Variants in NAALADL2 observed in about 807,000 individuals in gnomAD.
NAALADL2 encodes inactive N-acetylated-alpha-linked acidic dipeptidase-like protein 2.
A neutral mutation model predicts 87.2 loss-of-function variants in NAALADL2; 76 were observed. That is an observed-to-expected ratio of 0.87 (90% CI 0.72 to 1.05). The LOEUF (loss-of-function observed/expected upper bound fraction) is 1.05. NAALADL2 is among the 50% of genes least tolerant of loss of function. The pLI, the probability that NAALADL2 is intolerant of heterozygous loss-of-function variation, is 0.00. For synonymous variants in NAALADL2, 354 were observed against 331.0 expected, an observed-to-expected ratio of 1.07 and a Z score of -0.75; for missense variants, 1,089 against 945.8, an observed-to-expected ratio of 1.15 and a Z score of -1.99.
chr3:175,618,715 T>C (rs1209420414), intron 10 of NAALADL2, among the ~76,000 whole-genome samples: 2 of 152,146 alleles, frequency 1.3e-5, no homozygotes, highest in African/African-American at 4.8e-5. Context: ...TTTTTCCCTA[T>C]ATTACCAGGG....
chr3:175,061,054 C>CA (rs1009296352), intron 1 of NAALADL2, among the ~76,000 whole-genome samples: 25 of 151,176 alleles, frequency 1.7e-4, no homozygotes, highest in East Asian at 1.2e-3. Context: ...CTCAAAAAAA[C>CA]AAAAAAAATC....
intron 7 of NAALADL2, among the ~76,000 whole-genome samples, chr3:175,466,000 T>A (rs985653607): frequency 2.0e-5 from 3 of 152,246 alleles, no homozygotes; most frequent in Non-Finnish European, 4.4e-5. Context: ...GGAGATGTAC[T>A]ATTTGTTTTC....
intron 3 of NAALADL2, among the ~76,000 whole-genome samples, chr3:174,780,434 A>T (rs575884245): frequency 1.3e-5 from 2 of 152,284 alleles, no homozygotes; most frequent in Admixed American, 6.5e-5. Context: ...GCAAACAGAG[A>T]CAATTTGACC....
intron 1 of NAALADL2, among the ~76,000 whole-genome samples, chr3:175,022,030 G>A (rs1401681584): frequency 6.6e-6 from 1 of 152,044 alleles, no homozygotes; most frequent in African/African-American, 2.4e-5. Context: ...GGTGAGATCT[G>A]GTTGTTAAAT....
chr3:175,301,421 T>TAATA (rs147746958), intron 4 of NAALADL2, among the ~76,000 whole-genome samples: 2,077 of 152,240 alleles, frequency 0.014, 50 homozygotes, highest in African/African-American at 0.047. Flanking sequence ...ACTTAAAGTA[T>TAATA]AATAAATAAA....
intron 5 of NAALADL2, among the ~76,000 whole-genome samples, chr3:175,355,218 A>G (rs779551147): frequency 5.7e-4 from 86 of 151,566 alleles, no homozygotes; most frequent in Admixed American, 5.7e-3. Flanking sequence ...ACAGGTGTGC[A>G]TCACCACACT....
At chr3:175,155,522 G>A (rs890726379) in intron 2 of NAALADL2, among the ~76,000 whole-genome samples, 9 of 152,100 alleles carry the variant, frequency 5.9e-5, no homozygotes, top group African/African-American at 1.9e-4. Context: ...CAATCTTTAT[G>A]TTGGGAATTA....
At chr3:175,281,768 T>A (rs953877729) in intron 4 of NAALADL2, among the ~76,000 whole-genome samples, 20 of 152,116 alleles carry the variant, frequency 1.3e-4, no homozygotes, top group African/African-American at 4.8e-4. Flanking sequence ...TTATGAATAT[T>A]TCAATTTTGT....
At chr3:174,890,662 A>C (rs1327589430) in intron 1 of NAALADL2, among the ~76,000 whole-genome samples, 1 of 152,194 alleles carries the variant, frequency 6.6e-6, no homozygotes, top group Non-Finnish European at 1.5e-5. Context: ...TTAGCTAAGA[A>C]AAGTCCAAAA....
At chr3:175,702,902 G>C (rs2149972949) in intron 11 of NAALADL2, among the ~76,000 whole-genome samples, 2 of 151,802 alleles carry the variant, frequency 1.3e-5, no homozygotes, top group East Asian at 3.9e-4. Context: ...GAAAAGAAAT[G>C]CACTTGAGGA....
chr3:175,654,006 C>T (rs1348087648), intron 11 of NAALADL2, among the ~76,000 whole-genome samples: 1 of 151,986 alleles, frequency 6.6e-6, no homozygotes, highest in Non-Finnish European at 1.5e-5. Flanking sequence ...TTGATGAAAC[C>T]AATTCAGAAA....
chr3:175,416,575 A>G lies in NAALADL2; in HGVS notation c.1091-30654A>G, dbSNP rs537941187. 3.5e-4 allele frequency among the ~76,000 whole-genome samples: 54 copies of G among 152,286 alleles called. 1 individual carries two copies. The Middle Eastern group carries it at 0.01, about 29-fold the overall frequency. ...TGCTAATGACAAGATCACTGATGTTAAGTAGAAAAAAGGCCTTTTTTACTT... is the reference window on the plus strand; with the variant it reads ...TGCTAATGACAAGATCACTGATGTTGAGTAGAAAAAAGGCCTTTTTTACTT... On this transcript the variant is annotated intron_variant, in intron 5 of 13. Transcript: ENST00000454872.
At chr3:174,899,280 A>G (rs1453810031) in intron 1 of NAALADL2, among the ~76,000 whole-genome samples, 1 of 152,184 alleles carries the variant, frequency 6.6e-6, no homozygotes, top group African/African-American at 2.4e-5. Context: ...ATATAGAAAG[A>G]GAAAGGATAA....
At chr3:175,473,526 T>C (rs1725204697) in intron 9 of NAALADL2, among the ~76,000 whole-genome samples, 1 of 151,776 alleles carries the variant, frequency 6.6e-6, no homozygotes, top group Admixed American at 6.6e-5. Flanking sequence ...GGGGATTACT[T>C]ATATATATAT....
At chr3:175,553,488 C>T (rs1315544722) in intron 9 of NAALADL2, among the ~76,000 whole-genome samples, 5 of 152,048 alleles carry the variant, frequency 3.3e-5, no homozygotes, top group Admixed American at 6.6e-5. Context: ...CTATATCCCA[C>T]ATGACTCTTG....
Position 175,576,197 on chromosome 3 carries a change from C to A in NAALADL2, c.1800+10C>A. 1 of 1,607,860 alleles carries A rather than the reference C, an allele frequency of 6.2e-7. No homozygotes were observed. Among genetic ancestry groups the A allele is most frequent in the South Asian group, 1.1e-5 (1 of 89,870 alleles). On this transcript the variant is annotated intron_variant, in intron 10 of 13. Transcript: ENST00000454872. ...CATCAAAACATTAGAGGTGATTGTT[C>A]CTAAAAAATGCAAAACACACACACA... is the stretch of plus-strand genomic sequence containing the variant.
intron 10 of NAALADL2, among the ~76,000 whole-genome samples, chr3:175,623,564 A>T (rs915056566): frequency 6.6e-6 from 1 of 152,060 alleles, no homozygotes; most frequent in Admixed American, 6.6e-5. Flanking sequence ...GGATCTTGAG[A>T]TAACTGGGTG....
At chr3:175,189,792 C>A (rs916148786) in intron 2 of NAALADL2, among the ~76,000 whole-genome samples, 2 of 152,046 alleles carry the variant, frequency 1.3e-5, no homozygotes, top group Non-Finnish European at 1.5e-5. Context: ...GCATTTGGGA[C>A]ATTACAATTC....
intron 11 of NAALADL2, among the ~76,000 whole-genome samples, chr3:175,655,910 G>A (rs901936663): frequency 2.4e-4 from 37 of 152,108 alleles, no homozygotes; most frequent in African/African-American, 7.7e-4. Context: ...TACGCCCTTT[G>A]TGCATCTTAC....
Sources: allele counts gnomAD v4.1 joint callset (sites outside exome capture counted in the v4.1 genomes callset), GRCh38; gene constraint gnomAD v4.1.1; transcripts MANE v1.5; gene names NCBI Gene and HGNC (gene_info 2026-07-23, HGNC 2026-07-21).